Variants in BRAF observed in about 807,000 individuals in gnomAD.
The protein encoded by BRAF is B-Raf proto-oncogene, serine/threonine kinase.
Under a neutral mutation model 104.6 loss-of-function variants are expected in BRAF, and 16 were observed. That is an observed-to-expected ratio of 0.15 (90% CI 0.10 to 0.23). The LOEUF (loss-of-function observed/expected upper bound fraction) is 0.23, where lower values mean the gene tolerates loss of function less well. BRAF is among the 10% of genes least tolerant of loss of function. The pLI is 1.00. For missense variants in BRAF, 541 were observed against 937.3 expected (o/e 0.58, Z 5.52); for synonymous variants, 310 against 341.6 (o/e 0.91, Z 1.02).
rs397507454 is a variant in BRAF, at chr7:140,924,668, C to T, written c.36G>A (p.Ala12=). ...AALSGGGGGG[A]EPGQALFNGD... is the part of the protein sequence containing the mutation. ...CGTTGAACAGAGCCTGGCCCGGCTC[C>T]GCGCCGCCACCACCGCCACCGCTCA... The change falls in exon 1 of 20, where the codon GCG becomes GCA. Residue 12 remains alanine, a synonymous_variant. Transcript: ENST00000644969. This position sits in a 1 kb window ranked among gnomAD's most constrained non-coding sequence, Gnocchi z 4.2. 3.2e-4 allele frequency: 409 copies of T among 1,295,162 alleles called. 4 individuals carry two copies. The highest frequency in any genetic ancestry group is 2.7e-3 in the South Asian group (207 of 77,670). The allele number at this position is 1,295,162 out of a possible 1,614,324, so 80.2% of individuals were successfully genotyped here.
At chr7:140,716,065 T>C (rs1045990575), downstream of BRAF, among the ~76,000 whole-genome samples, 3 of 152,220 alleles carry the variant, frequency 2.0e-5, no homozygotes, top group African/African-American at 7.2e-5. Context: ...TGTGTACACA[T>C]ATATCAAACC....
In BRAF at chr7:140,724,905, T is replaced by C; in HGVS notation, c.*1589A>G. 1 of 1,036,672 alleles carries C rather than the reference T, an allele frequency of 9.6e-7. No individual in the cohort carries two copies. The highest frequency in any genetic ancestry group is 1.2e-6 in the Non-Finnish European group (1 of 861,284). 64.2% of individuals were successfully genotyped at this position (1,036,672 alleles called of 1,614,324 possible). On this transcript the variant is annotated 3_prime_UTR_variant, in exon 20 of 20. Coordinates refer to ENST00000644969, the MANE Select transcript of BRAF (RefSeq NM_001374258.1). ...CTATGACTGTGATTGATATTACCCT[T>C]TAATAAAGGCCAAAGGAAGCTATAA...
intron 1 of BRAF, among the ~76,000 whole-genome samples, chr7:140,865,137 T>C (rs1287783070): frequency 6.6e-6 from 1 of 151,748 alleles, no homozygotes; most frequent in African/African-American, 2.4e-5. Flanking sequence ...CAGAGAGCAG[T>C]AGTGCGATGT....
intron 14 of BRAF, among the ~76,000 whole-genome samples, chr7:140,768,462 T>C (rs1302908165): frequency 6.6e-6 from 1 of 152,170 alleles, no homozygotes; most frequent in Non-Finnish European, 1.5e-5. Context: ...GTCTGGGTCA[T>C]GAGGAATGCC....
intron 6 of BRAF, chr7:140,801,144 C>T (rs1474398117): frequency 1.1e-5 from 4 of 350,326 alleles, no homozygotes; most frequent in Middle Eastern, 8.7e-4. Context: ...TAGAAACTAT[C>T]CAAAAATGGT....
chr7:140,776,876 A>G, intron 14 of BRAF, 36 bp downstream of exon 13: 1 of 1,594,636 alleles, frequency 6.3e-7, no homozygotes, highest in Non-Finnish European at 8.6e-7. Context: ...TGGTCTTCAA[A>G]AATAATTTAC....
At chr7:140,824,462 G>A (rs1468280991) in intron 3 of BRAF, 2 of 152,138 alleles carry the variant, frequency 1.3e-5, no homozygotes, top group African/African-American at 4.8e-5. Context: ...CCATAAATGT[G>A]AAGATTTAGT....
At chr7:140,887,983 C>G (rs1230459685) in intron 1 of BRAF, among the ~76,000 whole-genome samples, 1 of 152,016 alleles carries the variant, frequency 6.6e-6, no homozygotes, top group Non-Finnish European at 1.5e-5. Context: ...AGTGATTCTC[C>G]TGCCTCAGCC....
chr7:140,817,559 G>C (rs1335063143), intron 3 of BRAF, among the ~76,000 whole-genome samples: 1 of 152,168 alleles, frequency 6.6e-6, no homozygotes, highest in Non-Finnish European at 1.5e-5. Flanking sequence ...CAAAGCTATA[G>C]TAACCAAAAC....
Position 140,766,576 on chromosome 7 carries a change from ACT to A in BRAF, c.1814+10334_1814+10335del, listed in dbSNP as rs541119007. 9.2e-5 allele frequency among the ~76,000 whole-genome samples: 14 copies of A among 152,262 alleles called. No individual in the cohort carries two copies. The South Asian group carries it at 2.7e-3, about 29-fold the overall frequency. On this transcript the variant is annotated intron_variant, in intron 14 of 19. Coordinates refer to ENST00000644969, the MANE Select transcript of BRAF (RefSeq NM_001374258.1). ...TGCATAAGAAAGATGTTTCATTATT[ACT>A]GTTACTTCTTAATTTTTTTTTTGAG...
chr7:140,797,632 C>A (rs1802625809), intron 7 of BRAF, among the ~76,000 whole-genome samples: 1 of 152,156 alleles, frequency 6.6e-6, no homozygotes, highest in Non-Finnish European at 1.5e-5. Context: ...ATTCATGGCA[C>A]AGGCAAATGG....
intron 17 of BRAF, chr7:140,740,399 C>G (rs952838320): frequency 6.4e-6 from 1 of 155,616 alleles, no homozygotes; most frequent in Non-Finnish European, 1.4e-5. Flanking sequence ...CATCTTAAGC[C>G]CTTTTATTGT....
Position 140,787,579 on chromosome 7 carries a change from C to A in BRAF, c.1146G>T (p.Leu382Phe). ...NTIEPVNIDD[L>F]IRDQGFRGDG... ...CACCACGAAATCCTTGGTCTCTAAT[C>A]AAGTCCTACAAATAAATAGTAATGT... Residue 382 changes from leucine to phenylalanine, a missense_variant, in exon 9 of 20, where the codon TTG (leucine) becomes TTT (phenylalanine). By Grantham distance (22) the Leu-to-Phe change is conservative (BLOSUM62 0). This residue lies in a region of BRAF where 109 missense variants were observed against 143.9 expected (regional missense o/e 0.76). Coordinates refer to ENST00000644969, the MANE Select transcript of BRAF (RefSeq NM_001374258.1). The A allele has an allele frequency of 1.2e-6, 2 of 1,611,782 alleles. No individual in the cohort carries two copies. The highest frequency in any genetic ancestry group is 1.1e-5 in the South Asian group (1 of 90,970).
intron 8 of BRAF, among the ~76,000 whole-genome samples, chr7:140,793,597 T>C (rs1194222216): frequency 1.3e-5 from 2 of 152,188 alleles, no homozygotes; most frequent in African/African-American, 4.8e-5. Context: ...TTTTTGTTGG[T>C]CATAATGCCA....
chr7:140,748,015 A>G (rs997784067), intron 17 of BRAF, among the ~76,000 whole-genome samples: 7 of 152,218 alleles, frequency 4.6e-5, no homozygotes, highest in African/African-American at 1.4e-4. Context: ...ACCAACTAAA[A>G]TTTAGTTTTA....
intron 1 of BRAF, among the ~76,000 whole-genome samples, chr7:140,895,135 G>C (rs1814734925): frequency 6.6e-6 from 1 of 151,976 alleles, no homozygotes; most frequent in South Asian, 2.1e-4. Context: ...ACAATAAAAT[G>C]TATCCAGTGA....
chr7:140,784,850 T>C (rs1801199596), intron 10 of BRAF, among the ~76,000 whole-genome samples: 1 of 152,128 alleles, frequency 6.6e-6, no homozygotes, highest in Admixed American at 6.5e-5. Context: ...TTTCACCACA[T>C]TGACCAGGCT....
chr7:140,759,129 C>A (rs1798451270), intron 14 of BRAF, among the ~76,000 whole-genome samples: 1 of 152,198 alleles, frequency 6.6e-6, no homozygotes, highest in Non-Finnish European at 1.5e-5. Flanking sequence ...TTATTGGACA[C>A]TGTGTTGTTC....
chr7:140,803,062 A>G (rs1452649849), intron 5 of BRAF, among the ~76,000 whole-genome samples: 1 of 152,232 alleles, frequency 6.6e-6, no homozygotes, highest in African/African-American at 2.4e-5. Flanking sequence ...AAGGTTACCT[A>G]CAGCATTCAG....
Sources: gnomAD v4.1 joint callset for allele counts (sites outside exome capture counted in the v4.1 genomes callset) on GRCh38, gnomAD v4.1.1 for gene constraint, gnomAD v4.1.1 regional missense constraint, Gnocchi (gnomAD v3.1) non-coding constraint, MANE v1.5 for transcripts, NCBI Gene and HGNC (gene_info 2026-07-23, HGNC 2026-07-21) for gene names.